The following NELL2 variants were observed in gnomAD, a reference collection of about 807,000 sequenced individuals.
NELL2 encodes neural EGFL like 2, also known as protein kinase C-binding protein NELL2.
Under a neutral mutation model 109.6 loss-of-function variants are expected in NELL2, and 41 were observed. That is an observed-to-expected ratio of 0.37 (90% CI 0.29 to 0.49). The LOEUF (loss-of-function observed/expected upper bound fraction) is 0.49, where lower values mean the gene tolerates loss of function less well. Among genes scored for constraint, NELL2 ranks in the 20% least tolerant of loss-of-function variants. The probability of loss-of-function intolerance (pLI) is 0.98; values close to 1 mark genes in which losing one functional copy is unlikely to be tolerated. For missense variants in NELL2, 900 were observed against 1,008.3 expected (o/e 0.89, Z 1.45); for synonymous variants, 355 against 344.7 (o/e 1.03, Z -0.33).
chr12:44,754,244 T>C (rs906864206), intron 9 of NELL2, among the ~76,000 whole-genome samples: 1 of 152,186 alleles, frequency 6.6e-6, no homozygotes, highest in Non-Finnish European at 1.5e-5. Flanking sequence ...ACAAATCTAA[T>C]ATAACTGGAT....
chr12:44,892,200 G>A (rs1257712686), intron 1 of NELL2, among the ~76,000 whole-genome samples: 1 of 152,122 alleles, frequency 6.6e-6, no homozygotes, highest in Admixed American at 6.5e-5. Context: ...ATATATGAAG[G>A]TGCAAGAGTG....
chr12:44,523,442 T>G lies in NELL2; in HGVS notation c.1847A>C (p.Asp616Ala), dbSNP rs199859063. 1.2e-6 allele frequency: 2 copies of G among 1,614,026 alleles called. No individual in the cohort carries two copies. The highest frequency in any genetic ancestry group is 8.5e-7 in the Non-Finnish European group (1 of 1,179,988). ...GCCATCCAAATTGAAGCAAATGGTA[T>G]CATTGGCACAGCTGTGCCTCCCGGT... is the stretch of plus-strand genomic sequence containing the variant. ...CGTGRHSCAN[D>A]TICFNLDGGY... is the part of the protein sequence containing the mutation. Residue 616 changes from aspartate to alanine, a missense_variant, in exon 17 of 20, where the codon GAT (aspartate) becomes GCT (alanine). Transcript: ENST00000429094.
chr12:44,569,149 C>T (rs1943768472), intron 15 of NELL2, among the ~76,000 whole-genome samples: 1 of 152,150 alleles, frequency 6.6e-6, no homozygotes, highest in Non-Finnish European at 1.5e-5. Context: ...TTTTCTGTTA[C>T]TGCATTAGTT....
At chr12:44,617,585 G>A (rs1171094958) in intron 13 of NELL2, among the ~76,000 whole-genome samples, 4 of 131,264 alleles carry the variant, frequency 3.0e-5, no homozygotes, top group African/African-American at 3.5e-5. Context: ...CCAGCTACTT[G>A]GGAGGCTGAG....
intron 2 of NELL2, among the ~76,000 whole-genome samples, chr12:44,839,239 CG>C (rs1944148367): frequency 6.6e-6 from 1 of 151,820 alleles, no homozygotes; most frequent in Non-Finnish European, 1.5e-5. Flanking sequence ...CCTTGGCAAC[CG>C]CAAAGAAAAA....
At chr12:44,566,272 A>T (rs1943653830) in intron 15 of NELL2, among the ~76,000 whole-genome samples, 1 of 152,162 alleles carries the variant, frequency 6.6e-6, no homozygotes, top group South Asian at 2.1e-4. Context: ...TAGAGAGTAG[A>T]TGCCTATTGT....
At chr12:44,602,689 G>A (rs931673968) in intron 15 of NELL2, among the ~76,000 whole-genome samples, 1 of 151,934 alleles carries the variant, frequency 6.6e-6, no homozygotes, top group Admixed American at 6.6e-5. Context: ...GGTATGCCAT[G>A]TCCCAACTGT....
At chr12:44,564,632 G>A (rs1943587548) in intron 15 of NELL2, among the ~76,000 whole-genome samples, 1 of 152,122 alleles carries the variant, frequency 6.6e-6, no homozygotes, top group Admixed American at 6.5e-5. Context: ...ATGCATATGT[G>A]TGTGTATAAA....
At chr12:44,897,262 C>T (rs1945603381) in intron 1 of NELL2, among the ~76,000 whole-genome samples, 1 of 152,028 alleles carries the variant, frequency 6.6e-6, no homozygotes, top group Non-Finnish European at 1.5e-5. Context: ...TTCATACTTA[C>T]AAAATAAGAC....
intron 2 of NELL2, among the ~76,000 whole-genome samples, chr12:44,827,410 T>C (rs958383396): frequency 1.7e-5 from 1 of 60,130 alleles, no homozygotes; most frequent in Non-Finnish European, 4.6e-5. Flanking sequence ...TTCTTCTAAC[T>C]GTTTTTTTTT....
intron 12 of NELL2, among the ~76,000 whole-genome samples, chr12:44,689,420 G>T (rs1948832887): frequency 6.6e-6 from 1 of 152,052 alleles, no homozygotes; most frequent in Non-Finnish European, 1.5e-5. Flanking sequence ...TAGCCCATAG[G>T]TTCTTCAGTA....
chr12:44,861,432 GC>G (rs1944840425), intron 2 of NELL2, among the ~76,000 whole-genome samples: 2 of 151,944 alleles, frequency 1.3e-5, no homozygotes, highest in African/African-American at 4.8e-5. Flanking sequence ...TCTTTGGGCT[GC>G]CCCACTGTCA....
chr12:44,581,933 C>T (rs988388698), intron 15 of NELL2, among the ~76,000 whole-genome samples: 2 of 152,148 alleles, frequency 1.3e-5, no homozygotes, highest in Non-Finnish European at 2.9e-5. Flanking sequence ...GTCAACAAAA[C>T]ATTTTAAGCT....
chr12:44,560,003 A>G lies in NELL2; in HGVS notation c.1664-27282T>C, dbSNP rs1039733970. On this transcript the variant is annotated intron_variant, in intron 15 of 19. Transcript: ENST00000429094. ...TCTCAGACCACAGTGCAATTACATTAGAACTCAGGATTAAAAAACTCACTC... is the reference window on the plus strand; with the variant it reads ...TCTCAGACCACAGTGCAATTACATTGGAACTCAGGATTAAAAAACTCACTC... Among the ~76,000 whole-genome samples, 6 of 152,362 alleles carry G rather than the reference A, an allele frequency of 3.9e-5. 1 individual carries two copies. In the South Asian group the frequency reaches 1.2e-3, roughly 32 times the overall value.
chr12:44,756,382 C>T (rs573940585), intron 9 of NELL2, among the ~76,000 whole-genome samples: 1 of 152,048 alleles, frequency 6.6e-6, no homozygotes, highest in East Asian at 1.9e-4. Flanking sequence ...TAAATATTGT[C>T]TCTTCCTATT....
At chr12:44,727,835 C>T (rs1411380637) in intron 9 of NELL2, among the ~76,000 whole-genome samples, 1 of 152,028 alleles carries the variant, frequency 6.6e-6, no homozygotes, top group Admixed American at 6.6e-5. Flanking sequence ...TTAACCTTCT[C>T]ACAATAACAA....
At chr12:44,568,582 A>T (rs1943746832) in intron 15 of NELL2, among the ~76,000 whole-genome samples, 2 of 152,124 alleles carry the variant, frequency 1.3e-5, no homozygotes, top group South Asian at 4.1e-4. Flanking sequence ...AAAGGCCAGA[A>T]TTTGAGGGAT....
intron 12 of NELL2, among the ~76,000 whole-genome samples, chr12:44,688,445 AT>A (rs1280823812): frequency 6.6e-6 from 1 of 152,176 alleles, no homozygotes. Context: ...TTACTGACTT[AT>A]TTTTCTGGAA....
At chr12:44,527,218 T>G (rs1418192036) in intron 16 of NELL2, among the ~76,000 whole-genome samples, 15 of 152,360 alleles carry the variant, frequency 9.8e-5, no homozygotes, top group Non-Finnish European at 1.5e-5. Flanking sequence ...AAACTTCATT[T>G]TTTTGGTATC....
Sources: allele counts gnomAD v4.1 joint callset (sites outside exome capture counted in the v4.1 genomes callset), GRCh38; gene constraint gnomAD v4.1.1; transcripts MANE v1.5; gene names NCBI Gene and HGNC (gene_info 2026-07-23, HGNC 2026-07-21).